Variants in UST observed in about 807,000 individuals in gnomAD.
The protein encoded by UST is uronyl 2-sulfotransferase, also known as chondroitin sulfate 2-O-sulfotransferase.
UST carries 21 observed loss-of-function variants against 45.6 expected under a neutral mutation model. The ratio of observed to expected loss-of-function variants is 0.46; its 90% CI spans 0.33 to 0.66. UST has a LOEUF of 0.66. UST is among the 30% of genes least tolerant of loss of function. The pLI is 0.02. For missense variants in UST, 463 were observed against 512.4 expected (o/e 0.90, Z 0.93); for synonymous variants, 215 against 200.6 (o/e 1.07, Z -0.61).
chr6:148,822,962 T>G (rs939157458), intron 1 of UST, among the ~76,000 whole-genome samples: 12 of 152,214 alleles, frequency 7.9e-5, no homozygotes, highest in Admixed American at 2.0e-4. Flanking sequence ...CAGCTCTTAC[T>G]TACCTGGCTC....
chr6:148,982,610 A>G (rs1477244264), intron 5 of UST, among the ~76,000 whole-genome samples: 2 of 152,214 alleles, frequency 1.3e-5, no homozygotes, highest in Non-Finnish European at 2.9e-5. Flanking sequence ...CAGGGCACAG[A>G]GGGTCTCAGA....
At chr6:148,894,617 C>T (rs993458948) in intron 2 of UST, among the ~76,000 whole-genome samples, 10 of 152,090 alleles carry the variant, frequency 6.6e-5, no homozygotes, top group South Asian at 2.1e-4. Flanking sequence ...TGAACTGTGA[C>T]GGTAAATTTC....
chr6:148,931,790 G>A (rs1319960467), intron 2 of UST, among the ~76,000 whole-genome samples: 1 of 152,178 alleles, frequency 6.6e-6, no homozygotes, highest in Admixed American at 6.5e-5. Context: ...CCACATCCAC[G>A]TGGGTTTCTC....
At chr6:148,970,747 C>T (rs1276027965) in intron 5 of UST, among the ~76,000 whole-genome samples, 2 of 152,192 alleles carry the variant, frequency 1.3e-5, no homozygotes, top group African/African-American at 4.8e-5. Flanking sequence ...CCCAGGGGTT[C>T]TCAGTTCTCT....
intron 2 of UST, among the ~76,000 whole-genome samples, chr6:148,908,261 G>T (rs182768751): frequency 6.6e-6 from 1 of 152,028 alleles, no homozygotes; most frequent in African/African-American, 2.4e-5. Flanking sequence ...GTAAAAATAG[G>T]CTCTCATTAC....
intron 5 of UST, among the ~76,000 whole-genome samples, chr6:148,965,185 T>A (rs76283968): frequency 0.017 from 2,604 of 152,288 alleles, 81 homozygotes; most frequent in African/African-American, 0.06. Context: ...CCATAAGGGA[T>A]GTTAGTCTCG....
intron 4 of UST, among the ~76,000 whole-genome samples, chr6:148,956,633 C>T (rs566049013): frequency 4.6e-5 from 7 of 152,312 alleles, no homozygotes; most frequent in East Asian, 3.9e-4. Flanking sequence ...ATTCTGTAGA[C>T]GTCTCAGGCT....
intron 5 of UST, among the ~76,000 whole-genome samples, chr6:149,002,641 G>T (rs1781572710): frequency 6.6e-6 from 1 of 152,054 alleles, no homozygotes; most frequent in Admixed American, 6.6e-5. Flanking sequence ...CGAGTAGCTG[G>T]GACTACAGGC....
At chr6:148,846,824 G>A (rs1248313813) in intron 1 of UST, among the ~76,000 whole-genome samples, 1 of 152,222 alleles carries the variant, frequency 6.6e-6, no homozygotes, top group African/African-American at 2.4e-5. Flanking sequence ...ACCTAACCAT[G>A]TGCCATGGGG....
intron 3 of UST, among the ~76,000 whole-genome samples, chr6:148,949,436 T>A (rs9390644): frequency 0.027 from 1,368 of 50,370 alleles, 71 homozygotes; most frequent in East Asian, 0.27. Flanking sequence ...AATAATAATA[T>A]TACTTATTCA....
intron 5 of UST, among the ~76,000 whole-genome samples, chr6:148,974,013 G>A (rs1780970669): frequency 6.6e-6 from 1 of 152,148 alleles, no homozygotes; most frequent in African/African-American, 2.4e-5. Flanking sequence ...TGTTAGCTGC[G>A]GCAGCCTTGC....
At chr6:149,040,252 A>G (rs1202721051) in intron 7 of UST, among the ~76,000 whole-genome samples, 3 of 152,132 alleles carry the variant, frequency 2.0e-5, no homozygotes, top group African/African-American at 7.2e-5. Flanking sequence ...TAGCATTTTA[A>G]TTTTCACTTG....
intron 2 of UST, among the ~76,000 whole-genome samples, chr6:148,932,483 T>C (rs1779940364): frequency 6.6e-6 from 1 of 152,228 alleles, no homozygotes; most frequent in Non-Finnish European, 1.5e-5. Context: ...AAGGGTACTG[T>C]GGCATTAAAA....
intron 1 of UST, among the ~76,000 whole-genome samples, chr6:148,797,146 A>G (rs1221297515): frequency 2.0e-5 from 3 of 152,056 alleles, no homozygotes; most frequent in East Asian, 1.9e-4. Flanking sequence ...GTGTTGTGGC[A>G]TGCACCTGTA....
intron 1 of UST, among the ~76,000 whole-genome samples, chr6:148,837,220 A>C (rs1777802897): frequency 6.6e-6 from 1 of 151,912 alleles, no homozygotes; most frequent in African/African-American, 2.4e-5. Flanking sequence ...AATTCATGTC[A>C]AAAAAAATGG....
intron 1 of UST, among the ~76,000 whole-genome samples, chr6:148,787,759 G>A (rs921251978): frequency 1.3e-5 from 2 of 152,080 alleles, no homozygotes; most frequent in African/African-American, 2.4e-5. Flanking sequence ...GAATAGCATT[G>A]AATGTATAAA....
chr6:149,029,866 TTGTGTGTG>T (rs3074362), intron 7 of UST, among the ~76,000 whole-genome samples: 17,763 of 140,708 alleles, frequency 0.13, 1,280 homozygotes, highest in Middle Eastern at 0.26. Context: ...GCACTGGATC[TTGTGTGTG>T]TGTGTGTGTG....
chr6:148,783,576 C>G (rs1400009448), intron 1 of UST, among the ~76,000 whole-genome samples: 1 of 152,152 alleles, frequency 6.6e-6, no homozygotes, highest in Non-Finnish European at 1.5e-5. Context: ...ATTTTCTTCT[C>G]ACAGCTACCA....
intron 5 of UST, among the ~76,000 whole-genome samples, chr6:149,011,289 A>G (rs1775807029): frequency 6.6e-6 from 1 of 152,170 alleles, no homozygotes; most frequent in Non-Finnish European, 1.5e-5. Context: ...GAGATAGAGT[A>G]GAAGATTGGT....
Sources: gnomAD v4.1 joint callset for allele counts (sites outside exome capture counted in the v4.1 genomes callset) on GRCh38, gnomAD v4.1.1 for gene constraint, MANE v1.5 for transcripts, NCBI Gene and HGNC (gene_info 2026-07-23, HGNC 2026-07-21) for gene names.